The following ATP1A2 variants were observed in gnomAD, a reference collection of about 807,000 sequenced individuals.
ATP1A2 encodes the protein ATPase Na+/K+ transporting subunit alpha 2, also known as sodium/potassium-transporting ATPase subunit alpha-2.
In ATP1A2, 56 loss-of-function variants were observed where a neutral mutation model predicts 113.1. That is an observed-to-expected ratio of 0.49 (90% CI 0.40 to 0.62). The LOEUF (loss-of-function observed/expected upper bound fraction) is 0.62, where lower values mean the gene tolerates loss of function less well. Ranked by LOEUF, ATP1A2 falls within the 20% of genes least tolerant of loss-of-function variation. The pLI is 0.00. For missense variants in ATP1A2, 712 were observed against 1,357.8 expected (o/e 0.52, Z 7.47); for synonymous variants, 490 against 526.8 (o/e 0.93, Z 0.96).
intron 1 of ATP1A2, among the ~76,000 whole-genome samples, chr1:160,117,691 C>G (rs1651233251): frequency 6.6e-6 from 1 of 152,196 alleles, no homozygotes; most frequent in Admixed American, 6.5e-5. Flanking sequence ...CCCTGCATCT[C>G]CACTGCAGAG....
Position 160,123,291 on chromosome 1 carries a change from G to C in ATP1A2, c.256G>C (p.Glu86Gln). ...NALTPPPTTP[E>Q]WVKFCRQLFG... ...CCTCACACCACCTCCCACAACCCCT[G>C]AGTGGGTCAAGTTCTGCCGTCAGCT... The change falls in exon 4 of 23, where the codon GAG becomes CAG. Residue 86 changes from glutamate to glutamine, a missense_variant. This residue lies in a region of ATP1A2 where 109 missense variants were observed against 162.3 expected (regional missense o/e 0.67). Transcript: ENST00000361216. 6.2e-7 allele frequency: 1 copy of C among 1,614,214 alleles called. No homozygotes were observed. Among genetic ancestry groups the C allele is most frequent in the Non-Finnish European group, 8.5e-7 (1 of 1,180,032 alleles).
At chr1:160,124,773 C>T (rs1651533083) in intron 6 of ATP1A2, among the ~76,000 whole-genome samples, 1 of 152,168 alleles carries the variant, frequency 6.6e-6, no homozygotes, top group Non-Finnish European at 1.5e-5. Context: ...CTGAATGTGG[C>T]CACACACGTT....
At chr1:160,122,295 TG>T (rs769072428) in intron 3 of ATP1A2, among the ~76,000 whole-genome samples, 1 of 152,182 alleles carries the variant, frequency 6.6e-6, no homozygotes, top group Non-Finnish European at 1.5e-5. Flanking sequence ...GTTTATTGTG[TG>T]TCACCTCTCC....
At chr1:160,129,476 A>G in intron 11 of ATP1A2, 76 bp downstream of exon 11, 1 of 1,591,188 alleles carries the variant, frequency 6.3e-7, no homozygotes, top group Non-Finnish European at 8.5e-7. Context: ...AAGGGGAATC[A>G]TCACTAGCAG....
rs1324791337 is a variant in ATP1A2, at chr1:160,136,848, G to T, written c.2710-53G>T. 5 of 1,614,012 alleles carry T rather than the reference G, an allele frequency of 3.1e-6. No homozygotes were observed. The Admixed American group carries it at 8.3e-5, about 27-fold the overall frequency. ...TCAGGAGAAACCATGCTACCTTCTG[G>T]TCCTACCCTTTCCTCCGACACTCTC... On this transcript the variant is annotated intron_variant, in intron 19 of 22. Coordinates refer to ENST00000361216, the MANE Select transcript of ATP1A2 (RefSeq NM_000702.4).
At chr1:160,139,597 C>T (rs770810204) in intron 20 of ATP1A2, 43 bp from the exon 21 acceptor site, 7 of 1,563,778 alleles carry the variant, frequency 4.5e-6, no homozygotes, top group Non-Finnish European at 6.2e-6. Flanking sequence ...TCTCTGCCTC[C>T]ATGATCCCCC....
rs1465265129 is a variant in ATP1A2 at position 160,135,129 on chromosome 1, C to T, written c.1965-16C>T. On this transcript the variant is annotated splice_polypyrimidine_tract_variant and intron_variant, in intron 14 of 22. Transcript: ENST00000361216. The surrounding 1 kb of genome is among the most constrained non-coding windows in gnomAD (Gnocchi z 6.3). ...GTGCCAGGGGTCAGCTGTCTCTGTC[C>T]CCACCCACCCTCCAGAGAAGCCAAG... 2.5e-6 allele frequency: 4 copies of T among 1,613,876 alleles called. No homozygotes were observed. The South Asian group carries it at 4.4e-5, about 18-fold the overall frequency.
Position 160,138,655 on chromosome 1 carries a change from A to G in ATP1A2, c.2841-985A>G, listed in dbSNP as rs1652030414. The stretch of plus-strand genomic sequence containing the variant: ...CCAAGAGTTTGGTACTAGCCTGGGC[A>G]CATGGTGAAACTCTATCTCTACAAA... On this transcript the variant is annotated intron_variant, in intron 20 of 22. Coordinates refer to ENST00000361216, the MANE Select transcript of ATP1A2 (RefSeq NM_000702.4). Among the ~76,000 whole-genome samples the G allele has an allele frequency of 2.0e-5, 3 of 152,146 alleles. No homozygotes were observed. The South Asian group carries it at 6.2e-4, about 32-fold the overall frequency.
Position 160,123,433 on chromosome 1 carries a change from G to T in ATP1A2, c.381+17G>T. On this transcript the variant is annotated intron_variant, in intron 4 of 22. Transcript: ENST00000361216. The stretch of plus-strand genomic sequence containing the variant: ...AACGACAATGTGAGCCCACACGCCC[G>T]ACCCGGGAACAGCCCGTGACTGTCC... 1 of 1,613,994 alleles carries T rather than the reference G, an allele frequency of 6.2e-7. No individual in the cohort carries two copies. The highest frequency in any genetic ancestry group is 1.1e-5 in the South Asian group (1 of 91,062).
In ATP1A2 at chr1:160,132,848, C is replaced by T. The variant is rs574771208; in HGVS notation, c.1828-1636C>T. 2.5e-4 allele frequency among the ~76,000 whole-genome samples: 38 copies of T among 152,188 alleles called. No homozygotes were observed. In the South Asian group the frequency reaches 7.9e-3, roughly 32 times the overall value. The stretch of plus-strand genomic sequence containing the variant: ...TTATAGTATGTTGTATTATATTGCC[C>T]AGAAAGAGCAGACAGGTCAAGTGAA... On this transcript the variant is annotated intron_variant, in intron 13 of 22. Transcript: ENST00000361216.
rs756059203 is a variant in ATP1A2, at chr1:160,139,677, GC to G, written c.2879del (p.Ala960GlyfsTer14). On this transcript the variant is annotated frameshift_variant, in exon 21 of 23. Coordinates refer to ENST00000361216, the MANE Select transcript of ATP1A2 (RefSeq NM_000702.4). LOFTEE classifies it high-confidence loss of function. ...ILIFGLLEETALAAFLSYCPG... is the reference protein window; with the variant it reads ...ILIFGLLEETXLAAFLSYCPG... ...GATTTTTGGGCTCCTGGAGGAGACG[GC>G]GTTGGCTGCCTTTCTCTCTTACTGC... 1 of 1,614,180 alleles carries G rather than the reference GC, an allele frequency of 6.2e-7. No individual in the cohort carries two copies. Among genetic ancestry groups the G allele is most frequent in the Admixed American group, 1.7e-5 (1 of 60,026 alleles).
At chr1:160,137,710 T>C (rs967387899) in intron 20 of ATP1A2, among the ~76,000 whole-genome samples, 1 of 152,132 alleles carries the variant, frequency 6.6e-6, no homozygotes, top group Non-Finnish European at 1.5e-5. Context: ...GTGATTCTAT[T>C]ATGGGTGGTG....
At chr1:160,128,937 C>T (rs1367558314) in intron 9 of ATP1A2, 43 bp from the exon 10 acceptor site, 28 of 1,596,070 alleles carry the variant, frequency 1.8e-5, no homozygotes, top group Non-Finnish European at 2.3e-5. Context: ...GATAAAGGCT[C>T]TAAAGGGAGC....
In ATP1A2 at chr1:160,142,331, A is replaced by T. The variant is rs1009164481; in HGVS notation, c.*1009A>T. On this transcript the variant is annotated 3_prime_UTR_variant, in exon 23 of 23. Coordinates refer to ENST00000361216, the MANE Select transcript of ATP1A2 (RefSeq NM_000702.4). Reference sequence around the variant, plus strand: ...TTTCTTTTCATGCCCATCCCGATGAACCTGCATCATTCCCCGACACTGCCA... The same window carrying T: ...TTTCTTTTCATGCCCATCCCGATGATCCTGCATCATTCCCCGACACTGCCA... The T allele has an allele frequency of 6.6e-6, 1 of 152,130 alleles. No homozygotes were observed. The highest frequency in any genetic ancestry group is 2.4e-5 in the African/African-American group (1 of 41,396). The allele number at this position is 152,130 out of a possible 1,614,324, so 9.4% of individuals were successfully genotyped here.
In ATP1A2 at chr1:160,125,662, C is replaced by T. The variant is rs528963618; in HGVS notation, c.748+409C>T. On this transcript the variant is annotated intron_variant, in intron 7 of 22. Transcript: ENST00000361216. ...TGGGCCTCGCTGCCCCCTTCGATAA[C>T]CTTTGCTTTGGCCAGGGCCCCAGGG... The T allele has an allele frequency of 8.6e-5, 19 of 221,484 alleles. 1 individual carries two copies. The highest frequency in any genetic ancestry group is 4.3e-4 in the African/African-American group (19 of 43,842). 13.7% of individuals were successfully genotyped at this position (221,484 alleles called of 1,614,324 possible).
At position 160,135,214 on chromosome 1, in the gene ATP1A2, C is replaced by A; in HGVS notation, c.2034C>A (p.Ile678=). ...TGACATCGGAGCAGCTCGATGAGAT[C>A]CTCAAGAACCACACAGAGATCGTCT... is the stretch of plus-strand genomic sequence containing the variant. ...KDMTSEQLDE[I]LKNHTEIVFA... The change falls in exon 15 of 23, where the codon ATC becomes ATA. Residue 678 remains isoleucine, a synonymous_variant. Coordinates refer to ENST00000361216, the MANE Select transcript of ATP1A2 (RefSeq NM_000702.4). This position sits in a 1 kb window ranked among gnomAD's most constrained non-coding sequence, Gnocchi z 6.3. 6.2e-7 allele frequency: 1 copy of A among 1,614,168 alleles called. No homozygotes were observed. Among genetic ancestry groups the A allele is most frequent in the East Asian group, 2.2e-5 (1 of 44,880 alleles).
chr1:160,137,129 G>A, intron 20 of ATP1A2, 98 bp downstream of exon 20: 2 of 1,583,790 alleles, frequency 1.3e-6, no homozygotes, highest in South Asian at 2.2e-5. Context: ...GACCAGAGCT[G>A]TAAGGAGGGC....
Position 160,130,416 on chromosome 1 carries a change from C to G in ATP1A2, c.1652-6C>G, listed in dbSNP as rs768543626. 4.3e-6 allele frequency: 7 copies of G among 1,614,204 alleles called. No homozygotes were observed. Among genetic ancestry groups the G allele is most frequent in the Non-Finnish European group, 5.9e-6 (7 of 1,180,040 alleles). On this transcript the variant is annotated splice_polypyrimidine_tract_variant and splice_region_variant and intron_variant, in intron 12 of 22. Coordinates refer to ENST00000361216, the MANE Select transcript of ATP1A2 (RefSeq NM_000702.4). ...GATCTCACTGATCCCTTCTGCCCCC[C>G]TTTAGGATTCTGTCAACTGAATCTG...
chr1:160,123,485 G>A (rs191318515), intron 4 of ATP1A2, 69 bp downstream of exon 4: 2 of 1,600,274 alleles, frequency 1.2e-6, no homozygotes, highest in African/African-American at 1.3e-5. Flanking sequence ...CAACACAGTG[G>A]GGGGTGGGCA....
Sources: gnomAD v4.1 joint callset for allele counts (sites outside exome capture counted in the v4.1 genomes callset) on GRCh38, gnomAD v4.1.1 for gene constraint, gnomAD v4.1.1 regional missense constraint, Gnocchi (gnomAD v3.1) non-coding constraint, MANE v1.5 for transcripts, NCBI Gene and HGNC (gene_info 2026-07-23, HGNC 2026-07-21) for gene names.